TRIP4: variants seen among roughly 807,000 people sequenced by gnomAD.
TRIP4 encodes thyroid hormone receptor interactor 4, also known as activating signal cointegrator 1.
TRIP4 carries 54 observed loss-of-function variants against 81.8 expected under a neutral mutation model. That is an observed-to-expected ratio of 0.66 (90% CI 0.53 to 0.83). The LOEUF is 0.83. Ranked by LOEUF, TRIP4 falls within the 40% of genes least tolerant of loss-of-function variation. TRIP4 has a pLI of 0.00. For synonymous variants in TRIP4, 270 were observed against 242.8 expected (o/e 1.11, Z -1.04); for missense variants, 662 against 683.6 (o/e 0.97, Z 0.35).
intron 11 of TRIP4, among the ~76,000 whole-genome samples, chr15:64,443,673 C>T (rs2140312301): frequency 6.6e-6 from 1 of 152,274 alleles, no homozygotes; most frequent in African/African-American, 2.4e-5. Context: ...TACTTTTCTA[C>T]CGTGAACATT....
chr15:64,450,496 CATG>C (rs1892734502), intron 12 of TRIP4, among the ~76,000 whole-genome samples: 1 of 151,804 alleles, frequency 6.6e-6, no homozygotes, highest in Non-Finnish European at 1.5e-5. Flanking sequence ...TAAGGACAGT[CATG>C]ATGACTGCTG....
At chr15:64,437,802 GT>G (rs1448001114) in intron 11 of TRIP4, among the ~76,000 whole-genome samples, 1 of 152,094 alleles carries the variant, frequency 6.6e-6, no homozygotes, top group Non-Finnish European at 1.5e-5. Context: ...CCAAAGTCAT[GT>G]TTTACGATTG....
At chr15:64,404,219 C>T (rs1202636901) in intron 5 of TRIP4, among the ~76,000 whole-genome samples, 1 of 152,048 alleles carries the variant, frequency 6.6e-6, no homozygotes, top group African/African-American at 2.4e-5. Flanking sequence ...TAATCTATAG[C>T]AATATTAGCA....
intron 11 of TRIP4, among the ~76,000 whole-genome samples, chr15:64,433,398 C>T (rs1438016481): frequency 6.6e-6 from 1 of 151,842 alleles, no homozygotes; most frequent in Admixed American, 6.6e-5. Context: ...GTGAGGAGTT[C>T]GAGACCAGCC....
chr15:64,423,578 A>T (rs900579499), intron 9 of TRIP4, among the ~76,000 whole-genome samples: 2 of 150,888 alleles, frequency 1.3e-5, no homozygotes, highest in African/African-American at 4.9e-5. Context: ...CATTCTTGGG[A>T]GTTGTGTGTA....
chr15:64,430,943 T>A (rs1892256829), intron 11 of TRIP4, among the ~76,000 whole-genome samples: 1 of 152,102 alleles, frequency 6.6e-6, no homozygotes, highest in African/African-American at 2.4e-5. Flanking sequence ...CTTCAGGATC[T>A]AGGAGAATTT....
In TRIP4 at chr15:64,387,899, G is replaced by A. The variant is rs371842357; in HGVS notation, c.36G>A (p.Leu12=). Residue 12 remains leucine (L), a synonymous_variant, in exon 1 of 13, where the codon CTG becomes CTA. Transcript: ENST00000261884. ...CTGGGGCGGTGTCCGGGGAGCCGCTGGTGCACTGGTGCACCCAGCAGTTGC... is the reference window on the plus strand; with the variant it reads ...CTGGGGCGGTGTCCGGGGAGCCGCTAGTGCACTGGTGCACCCAGCAGTTGC... The part of the protein sequence containing the change: ...AVAGAVSGEP[L]VHWCTQQLRK... 194 of 1,549,874 alleles carry A rather than the reference G, an allele frequency of 1.3e-4. No individual in the cohort carries two copies. Among genetic ancestry groups the A allele is most frequent in the Non-Finnish European group, 1.6e-4 (182 of 1,147,016 alleles).
intron 12 of TRIP4, among the ~76,000 whole-genome samples, chr15:64,451,862 A>G (rs1892771637): frequency 1.3e-5 from 2 of 151,018 alleles, no homozygotes; most frequent in African/African-American, 2.4e-5. Flanking sequence ...CATTTTGACC[A>G]GGCTGGTCTT....
At chr15:64,400,719 T>C in intron 4 of TRIP4, 24 bp from the exon 5 acceptor site, 2 of 1,588,122 alleles carry the variant, frequency 1.3e-6, no homozygotes, top group Non-Finnish European at 1.7e-6. Context: ...TTGGATCACA[T>C]GTCTTACTCT....
intron 11 of TRIP4, among the ~76,000 whole-genome samples, chr15:64,437,413 T>C (rs1178880117): frequency 6.6e-6 from 1 of 150,478 alleles, no homozygotes; most frequent in African/African-American, 2.4e-5. Flanking sequence ...TGAGACTCCA[T>C]CTCAAAAAAC....
chr15:64,399,858 C>T (rs1433721624), intron 4 of TRIP4, among the ~76,000 whole-genome samples: 2 of 151,186 alleles, frequency 1.3e-5, no homozygotes, highest in African/African-American at 4.9e-5. Context: ...GTCTGTAATC[C>T]CAGCACTTTG....
chr15:64,433,544 C>T (rs974232194), intron 11 of TRIP4, among the ~76,000 whole-genome samples: 4 of 152,114 alleles, frequency 2.6e-5, no homozygotes, highest in Admixed American at 2.6e-4. Context: ...GCAGAGGCTG[C>T]AGTCAGCTGA....
chr15:64,431,461 TG>T (rs770975537), intron 11 of TRIP4, among the ~76,000 whole-genome samples: 67 of 152,096 alleles, frequency 4.4e-4, no homozygotes, highest in Non-Finnish European at 7.8e-4. Flanking sequence ...CCCAGCACTT[TG>T]GGAGGCGGAG....
intron 3 of TRIP4, among the ~76,000 whole-genome samples, chr15:64,396,285 T>G (rs1460159980): frequency 7.1e-6 from 1 of 139,906 alleles, no homozygotes; most frequent in Non-Finnish European, 1.5e-5. Context: ...TTTTTTTTTT[T>G]TTTTTTTTTG....
Position 64,419,503 on chromosome 15 carries a change from C to T in TRIP4, c.1358+775C>T, listed in dbSNP as rs1596348495. Among the ~76,000 whole-genome samples the T allele has an allele frequency of 2.0e-5, 3 of 151,972 alleles. 1 individual carries two copies. The South Asian group carries it at 6.2e-4, about 32-fold the overall frequency. On this transcript the variant is annotated intron_variant, in intron 9 of 12. Transcript: ENST00000261884. The stretch of plus-strand genomic sequence containing the variant: ...CCTCCCAGGTAGCTGGGACTACAGG[C>T]GCCCGCCACCACACCTGGTTAATTT...
At chr15:64,388,369 C>A (rs561804586) in intron 1 of TRIP4, among the ~76,000 whole-genome samples, 1 of 152,280 alleles carries the variant, frequency 6.6e-6, no homozygotes, top group African/African-American at 2.4e-5. Context: ...TGCGGTGGCG[C>A]GATCTTGGCT....
chr15:64,432,370 T>C (rs578234577), intron 11 of TRIP4, among the ~76,000 whole-genome samples: 35 of 152,138 alleles, frequency 2.3e-4, no homozygotes, highest in African/African-American at 8.2e-4. Context: ...TCCCACCGCT[T>C]TGGGAGACCG....
chr15:64,449,159 CTA>C (rs1048612339), intron 12 of TRIP4, among the ~76,000 whole-genome samples: 1 of 151,638 alleles, frequency 6.6e-6, no homozygotes, highest in African/African-American at 2.4e-5. Flanking sequence ...CTGCAATGGG[CTA>C]TGATTGCAAT....
intron 1 of TRIP4, among the ~76,000 whole-genome samples, chr15:64,391,377 G>A (rs996425908): frequency 2.2e-4 from 34 of 151,586 alleles, no homozygotes; most frequent in African/African-American, 2.2e-4. Context: ...GGATGGTCTC[G>A]GTCTCCTGAC....
Sources: gnomAD v4.1 joint callset for allele counts (sites outside exome capture counted in the v4.1 genomes callset) on GRCh38, gnomAD v4.1.1 for gene constraint, MANE v1.5 for transcripts, NCBI Gene and HGNC (gene_info 2026-07-23, HGNC 2026-07-21) for gene names.